Variants in ENKUR observed in about 807,000 individuals in gnomAD.
ENKUR encodes the protein enkurin, TRPC channel interacting protein.
ENKUR carries 19 observed loss-of-function variants against 27.6 expected under a neutral mutation model. The observed-to-expected ratio is 0.69, with a 90% CI of 0.48 to 1.01. The LOEUF (loss-of-function observed/expected upper bound fraction) is 1.01, where lower values mean the gene tolerates loss of function less well. ENKUR is among the 50% of genes least tolerant of loss of function. The probability of loss-of-function intolerance (pLI) is 0.00; values close to 1 mark genes in which losing one functional copy is unlikely to be tolerated. For synonymous variants in ENKUR, 117 were observed against 96.9 expected, an observed-to-expected ratio of 1.21 and a Z score of -1.22; for missense variants, 312 against 310.5, an observed-to-expected ratio of 1.00 and a Z score of -0.04.
Position 25,053,886 on chromosome 10 carries a change from G to C in ENKUR, c.37+7226C>G, listed in dbSNP as rs111941182. Among the ~76,000 whole-genome samples the C allele has an allele frequency of 4.1e-3, 630 of 152,162 alleles. 2 individuals carry two copies. The highest frequency in any genetic ancestry group is 0.014 in the African/African-American group (590 of 41,516). On this transcript the variant is annotated intron_variant, in intron 2 of 5. Transcript: ENST00000615958. ...CTCATGCACCTACCACCCAGCTTAA[G>C]AAAGTAAACTTCACTAATATGGTTG...
chr10:25,001,365 T>C (rs551991257), intron 1 of ENKUR, among the ~76,000 whole-genome samples: 36 of 152,132 alleles, frequency 2.4e-4, no homozygotes, highest in African/African-American at 8.4e-4. Context: ...TAATGTCTCT[T>C]GGTATTCTTT....
chr10:25,054,003 A>C (rs961632105), intron 2 of ENKUR, among the ~76,000 whole-genome samples: 1 of 152,144 alleles, frequency 6.6e-6, no homozygotes, highest in African/African-American at 2.4e-5. Context: ...ATTCCTTTAT[A>C]TTGTCACTAC....
chr10:25,016,863 T>TC (rs1487996783), upstream of ENKUR: 1 of 152,642 alleles, frequency 6.6e-6, no homozygotes, highest in East Asian at 1.9e-4. Flanking sequence ...CCCCGTACCG[T>TC]CCCTTCCCCT....
chr10:24,990,816 A>G (rs1192507295), intron 3 of ENKUR, among the ~76,000 whole-genome samples: 1 of 152,158 alleles, frequency 6.6e-6, no homozygotes, highest in Non-Finnish European at 1.5e-5. Context: ...GTTATTGCCC[A>G]GGCATAGTGG....
chr10:25,025,443 T>C (rs756869884), intron 2 of ENKUR: 2 of 1,601,704 alleles, frequency 1.2e-6, no homozygotes, highest in South Asian at 2.3e-5. Flanking sequence ...TTGTCCAAAA[T>C]CAATTCATAT....
At chr10:24,990,388 T>A in intron 4 of ENKUR, 75 bp downstream of exon 4, 4 of 1,518,500 alleles carry the variant, frequency 2.6e-6, no homozygotes, top group Non-Finnish European at 3.5e-6. Flanking sequence ...ACTTTAATCA[T>A]CAAAGTGATG....
chr10:25,057,937 T>TTA (rs143981638), intron 2 of ENKUR, among the ~76,000 whole-genome samples: 2 of 151,900 alleles, frequency 1.3e-5, no homozygotes, highest in Non-Finnish European at 2.9e-5. Flanking sequence ...AAAAGTAATT[T>TTA]TATATATATA....
intron 2 of ENKUR, chr10:25,025,587 G>A: frequency 1.2e-6 from 1 of 868,440 alleles, no homozygotes; most frequent in Non-Finnish European, 1.8e-6. Flanking sequence ...TCAAAAGTCT[G>A]ATCTCTAGGG....
intron 2 of ENKUR, chr10:25,026,339 G>A (rs1189795675): frequency 6.0e-6 from 1 of 166,564 alleles, no homozygotes; most frequent in East Asian, 1.9e-4. Flanking sequence ...TGAAATCCAG[G>A]ATGAAACAGT....
chr10:25,013,061 G>A (rs564563344), intron 1 of ENKUR, among the ~76,000 whole-genome samples: 1 of 152,192 alleles, frequency 6.6e-6, no homozygotes, highest in Non-Finnish European at 1.5e-5. Context: ...TTTTATAAAG[G>A]GGAGTTCCCC....
chr10:25,021,268 T>C (rs1423170237), intron 2 of ENKUR, among the ~76,000 whole-genome samples: 1 of 152,258 alleles, frequency 6.6e-6, no homozygotes, highest in East Asian at 1.9e-4. Context: ...CTTATATAGC[T>C]AAGAGGTATC....
intron 4 of ENKUR, 40 bp downstream of exon 4, chr10:24,990,423 C>T: frequency 6.3e-7 from 1 of 1,579,098 alleles, no homozygotes; most frequent in Non-Finnish European, 8.6e-7. Flanking sequence ...CAGAGATGAT[C>T]CAAAGAGTTA....
upstream of ENKUR, among the ~76,000 whole-genome samples, chr10:25,021,019 T>C (rs1850708406): frequency 6.6e-6 from 1 of 152,236 alleles, no homozygotes; most frequent in Non-Finnish European, 1.5e-5. Flanking sequence ...CCTGGTTTAC[T>C]TCAGGGAAAG....
chr10:25,061,050 G>T, intron 2 of ENKUR: 1 of 1,455,236 alleles, frequency 6.9e-7, no homozygotes, highest in Non-Finnish European at 9.3e-7. Context: ...ATATCTCTAA[G>T]GCCCCCTATT....
intron 1 of ENKUR, among the ~76,000 whole-genome samples, chr10:25,002,163 C>A (rs1441713232): frequency 6.6e-6 from 1 of 152,200 alleles, no homozygotes; most frequent in Non-Finnish European, 1.5e-5. Context: ...ACTCAATGCC[C>A]TGTGTATTAG....
Position 25,024,339 on chromosome 10 carries a change from T to C in ENKUR, c.38-28470A>G, listed in dbSNP as rs918580157. ...ACTGTATCCCACCAAGTTGCAATTA[T>C]ATGATACTTGTAGCTACTTCAGGAG... is the stretch of plus-strand genomic sequence containing the variant. On this transcript the variant is annotated intron_variant, in intron 2 of 5. Transcript: ENST00000615958. The C allele has an allele frequency of 6.8e-6, 11 of 1,614,088 alleles. No individual in the cohort carries two copies. In the African/African-American group the frequency reaches 1.3e-4, roughly 20 times the overall value.
chr10:24,984,021 T>C lies in ENKUR; in HGVS notation c.*349A>G. ...AAACATTTAAATAAGATATGCATAG[T>C]GAGTTGTGGAATAAAATAAGAGTAT... On this transcript the variant is annotated 3_prime_UTR_variant, in exon 6 of 6. Coordinates refer to ENST00000331161, the MANE Select transcript of ENKUR (RefSeq NM_145010.4). 1 of 229,218 alleles carries C rather than the reference T, an allele frequency of 4.4e-6. No individual in the cohort carries two copies. Among genetic ancestry groups the C allele is most frequent in the Non-Finnish European group, 8.4e-6 (1 of 119,318 alleles). 14.2% of individuals were successfully genotyped at this position (229,218 alleles called of 1,614,324 possible). A position where few individuals can be genotyped will look rare whatever the true frequency, so the allele number is the denominator to read the frequency against.
chr10:25,039,565 G>T (rs549325211), intron 2 of ENKUR, among the ~76,000 whole-genome samples: 1 of 152,316 alleles, frequency 6.6e-6, no homozygotes, highest in East Asian at 1.9e-4. Flanking sequence ...GGGGGACAGA[G>T]TGAGACCCTT....
At chr10:24,993,996 T>C (rs1849983763) in intron 3 of ENKUR, among the ~76,000 whole-genome samples, 1 of 152,104 alleles carries the variant, frequency 6.6e-6, no homozygotes, top group South Asian at 2.1e-4. Context: ...ATAAAACAGT[T>C]TCCAGGGGCC....
Sources: gnomAD v4.1 joint callset for allele counts (sites outside exome capture counted in the v4.1 genomes callset) on GRCh38, gnomAD v4.1.1 for gene constraint, MANE v1.5 for transcripts, NCBI Gene and HGNC (gene_info 2026-07-23, HGNC 2026-07-21) for gene names.